Variants in ITPR1 observed in about 807,000 individuals in gnomAD.
ITPR1 encodes inositol 1,4,5-trisphosphate-gated calcium channel ITPR1.
A neutral mutation model predicts 318.4 loss-of-function variants in ITPR1; 96 were observed. That is an observed-to-expected ratio of 0.30 (90% CI 0.26 to 0.36). The LOEUF (loss-of-function observed/expected upper bound fraction) is 0.36, where lower values mean the gene tolerates loss of function less well. Ranked by LOEUF, ITPR1 falls within the 10% of genes least tolerant of loss-of-function variation. The pLI, the probability that ITPR1 is intolerant of heterozygous loss-of-function variation, is 1.00. For missense variants in ITPR1, 2,440 were observed against 3,460.2 expected (o/e 0.71, Z 7.40); for synonymous variants, 1,312 against 1,289.9 (o/e 1.02, Z -0.37).
chr3:4,830,390 TG>T (rs1383373068), intron 60 of ITPR1, among the ~76,000 whole-genome samples: 3 of 152,186 alleles, frequency 2.0e-5, no homozygotes, highest in Non-Finnish European at 4.4e-5. Flanking sequence ...GGTTTCATTT[TG>T]TTTTGCTGTG....
intron 45 of ITPR1, among the ~76,000 whole-genome samples, chr3:4,767,980 A>G (rs2045928536): frequency 1.3e-5 from 2 of 152,192 alleles, no homozygotes; most frequent in Admixed American, 1.3e-4. Flanking sequence ...ATTCGAACCC[A>G]GCGTGTCTGG....
In ITPR1 at chr3:4,798,219, T is replaced by C. The variant is rs147854980; in HGVS notation, c.6932-2206T>C. Among the ~76,000 whole-genome samples, 423 of 152,292 alleles carry C rather than the reference T, an allele frequency of 2.8e-3. 1 individual carries two copies. The highest frequency in any genetic ancestry group is 6.9e-3 in the Admixed American group (105 of 15,300). ...CAAAATATATATCTGATAAAAAGCTTATGTCCAGAATATGTAAAGAACTCT... is the reference window on the plus strand; with the variant it reads ...CAAAATATATATCTGATAAAAAGCTCATGTCCAGAATATGTAAAGAACTCT... On this transcript the variant is annotated intron_variant, in intron 53 of 61. Coordinates refer to ENST00000649015, the MANE Select transcript of ITPR1 (RefSeq NM_001378452.1).
intron 27 of ITPR1, 27 bp from the exon 28 acceptor site, chr3:4,683,601 T>C (rs1182187137): frequency 6.2e-7 from 1 of 1,613,936 alleles, no homozygotes; most frequent in Non-Finnish European, 8.5e-7. Context: ...AGCTGTTGTG[T>C]GCACCTAACG....
At chr3:4,669,579 T>G in intron 18 of ITPR1, 75 bp from the exon 19 acceptor site, 2 of 1,457,880 alleles carry the variant, frequency 1.4e-6, no homozygotes, top group Non-Finnish European at 1.9e-6. Context: ...CCTGTGCACT[T>G]AAGGAAGAAT....
At position 4,844,662 on chromosome 3, in the gene ITPR1, C is replaced by T. The variant is rs915736443; in HGVS notation, c.8191-1477C>T. Among the ~76,000 whole-genome samples, 5 of 152,166 alleles carry T rather than the reference C, an allele frequency of 3.3e-5. No homozygotes were observed. In the South Asian group the frequency reaches 6.2e-4, roughly 19 times the overall value. On this transcript the variant is annotated intron_variant, in intron 61 of 61. Coordinates refer to ENST00000649015, the MANE Select transcript of ITPR1 (RefSeq NM_001378452.1). ...CCTTCCTGAGCCGAATCTGTGGATA[C>T]AGTGTAGTGTGTAACACTTCCTTTA... is the stretch of plus-strand genomic sequence containing the variant.
intron 4 of ITPR1, among the ~76,000 whole-genome samples, chr3:4,527,084 T>C (rs1575418147): frequency 6.6e-6 from 1 of 152,242 alleles, no homozygotes; most frequent in African/African-American, 2.4e-5. Context: ...CTGATGCCAT[T>C]TGAGATGACA....
intron 10 of ITPR1, among the ~76,000 whole-genome samples, chr3:4,647,201 G>A (rs923873973): frequency 2.6e-5 from 4 of 151,530 alleles, no homozygotes; most frequent in Non-Finnish European, 4.4e-5. Flanking sequence ...TTTGAGATTC[G>A]TATATATTCT....
intron 4 of ITPR1, among the ~76,000 whole-genome samples, chr3:4,591,602 A>T (rs940629006): frequency 2.0e-5 from 3 of 152,236 alleles, no homozygotes; most frequent in African/African-American, 7.2e-5. Flanking sequence ...GGATAGCCTG[A>T]CTATTTTCCT....
At chr3:4,593,461 G>T (rs754017407) in intron 4 of ITPR1, among the ~76,000 whole-genome samples, 5 of 152,206 alleles carry the variant, frequency 3.3e-5, no homozygotes, top group Admixed American at 3.3e-4. Context: ...GTTTCTCTAA[G>T]AGCAGAATCT....
chr3:4,706,226 C>G lies in ITPR1; in HGVS notation c.4717C>G (p.Leu1573Val). The G allele has an allele frequency of 6.2e-7, 1 of 1,614,074 alleles. No individual in the cohort carries two copies. Among genetic ancestry groups the G allele is most frequent in the Non-Finnish European group, 8.5e-7 (1 of 1,179,910 alleles). Residue 1573 changes from leucine (L) to valine (V), a missense_variant, in exon 37 of 62, where the codon CTC becomes GTC. Transcript: ENST00000649015. Reference sequence around the variant, plus strand: ...GGACAGCCAAGTCAACAACCTCTTTCTCAAGTCCCACAGCATTGTGCAGAA... The same window carrying G: ...GGACAGCCAAGTCAACAACCTCTTTGTCAAGTCCCACAGCATTGTGCAGAA... ...DLDSQVNNLFLKSHSIVQKTA... is the reference protein window; with the variant it reads ...DLDSQVNNLFVKSHSIVQKTA...
At chr3:4,775,472 A>G in intron 47 of ITPR1, 30 bp downstream of exon 47, 2 of 1,541,606 alleles carry the variant, frequency 1.3e-6, no homozygotes, top group Non-Finnish European at 1.8e-6. Context: ...GGGATGGGGA[A>G]AAAAAGTGTC....
intron 29 of ITPR1, 136 bp downstream of exon 29, chr3:4,684,482 C>T: frequency 1.5e-6 from 1 of 661,862 alleles, no homozygotes; most frequent in Non-Finnish European, 2.7e-6. Context: ...AAGTAGAGCT[C>T]AGAGGTTAAG....
chr3:4,654,540 A>G (rs996999089), intron 12 of ITPR1, among the ~76,000 whole-genome samples: 1 of 152,202 alleles, frequency 6.6e-6, no homozygotes, highest in Non-Finnish European at 1.5e-5. Context: ...GTTGTGTTAC[A>G]TGGAAAGGGT....
At chr3:4,618,121 T>G (rs1039300907) in intron 4 of ITPR1, among the ~76,000 whole-genome samples, 7 of 152,216 alleles carry the variant, frequency 4.6e-5, no homozygotes, top group Non-Finnish European at 8.8e-5. Flanking sequence ...TGAAATGTTT[T>G]GGAACTAGAT....
rs1383656095 is a variant in ITPR1 at position 4,815,221 on chromosome 3, G to A, written c.7867+3G>A. The A allele has an allele frequency of 6.2e-7, 1 of 1,613,556 alleles. No homozygotes were observed. The highest frequency in any genetic ancestry group is 1.3e-5 in the African/African-American group (1 of 74,928). ...GAAGACCACGTGCTTTATCTGTGGT[G>A]AGTGTCGCTGGCCAGCTCCAGCAAG... On this transcript the variant is annotated splice_donor_region_variant and intron_variant, in intron 59 of 61. Transcript: ENST00000649015.
At chr3:4,770,506 C>A (rs529047335) in intron 46 of ITPR1, among the ~76,000 whole-genome samples, 39 of 152,138 alleles carry the variant, frequency 2.6e-4, no homozygotes, top group Non-Finnish European at 5.0e-4. Flanking sequence ...TCACACAAAC[C>A]CCACTGTCGG....
intron 2 of ITPR1, among the ~76,000 whole-genome samples, chr3:4,501,596 C>T (rs1393873862): frequency 6.6e-6 from 1 of 152,246 alleles, no homozygotes; most frequent in East Asian, 1.9e-4. Context: ...ATGGCTAGCT[C>T]TCACCTGTTC....
chr3:4,710,422 C>T lies in ITPR1; in HGVS notation c.4940C>T (p.Pro1647Leu). The T allele has an allele frequency of 6.4e-7, 1 of 1,555,180 alleles. No individual in the cohort carries two copies. Among genetic ancestry groups the T allele is most frequent in the Non-Finnish European group, 8.7e-7 (1 of 1,148,634 alleles). Residue 1647 changes from proline to leucine, a missense_variant, in exon 38 of 62, where the codon CCA becomes CTA. Physicochemically the swap from Pro to Leu is moderately conservative, Grantham distance 98 (BLOSUM62 -3). Coordinates refer to ENST00000649015, the MANE Select transcript of ITPR1 (RefSeq NM_001378452.1). The surrounding 1 kb of genome is among the most constrained non-coding windows in gnomAD (Gnocchi z 4.2). Reference protein sequence around the residue: ...DVLHRPELLFPENTDARRKCE... With the variant: ...DVLHRPELLFLENTDARRKCE... ...CTCCACAGACCCGAGCTGCTTTTCC[C>T]AGAGAACACAGACGCCAGAAGGAAA...
intron 55 of ITPR1, among the ~76,000 whole-genome samples, chr3:4,808,092 C>T (rs1263592036): frequency 3.9e-5 from 6 of 152,256 alleles, no homozygotes; most frequent in South Asian, 4.1e-4. Context: ...CAGTGCCTGA[C>T]GCAGGGCACA....
Sources: gnomAD v4.1 joint callset for allele counts (sites outside exome capture counted in the v4.1 genomes callset) on GRCh38, gnomAD v4.1.1 for gene constraint, Gnocchi (gnomAD v3.1) non-coding constraint, MANE v1.5 for transcripts, NCBI Gene and HGNC (gene_info 2026-07-23, HGNC 2026-07-21) for gene names.